The following CNTN5 variants were observed in gnomAD, a reference collection of about 807,000 sequenced individuals.
The protein encoded by CNTN5 is contactin 5, also known as contactin-5.
In CNTN5, 77 loss-of-function variants were observed where a neutral mutation model predicts 129.1. That is an observed-to-expected ratio of 0.60 (90% CI 0.50 to 0.72). CNTN5 has a LOEUF of 0.72. Among genes scored for constraint, CNTN5 ranks in the 30% least tolerant of loss-of-function variants. CNTN5 has a pLI of 0.00. For synonymous variants in CNTN5, 509 were observed against 465.6 expected, an observed-to-expected ratio of 1.09 and a Z score of -1.20; for missense variants, 1,478 against 1,328.8, an observed-to-expected ratio of 1.11 and a Z score of -1.75.
chr11:99,636,178 A>C (rs1430640706), intron 3 of CNTN5, among the ~76,000 whole-genome samples: 4 of 152,122 alleles, frequency 2.6e-5, no homozygotes, highest in Non-Finnish European at 5.9e-5. Flanking sequence ...ATCTAAGAAC[A>C]AAAAAGAATG....
At chr11:100,101,469 C>T (rs776453398) in intron 13 of CNTN5, among the ~76,000 whole-genome samples, 36 of 152,160 alleles carry the variant, frequency 2.4e-4, no homozygotes, top group Non-Finnish European at 3.4e-4. Context: ...GAGAATTTCT[C>T]ATAAGCATCG....
intron 1 of CNTN5, among the ~76,000 whole-genome samples, chr11:99,232,392 T>C (rs1050466387): frequency 6.6e-6 from 1 of 152,200 alleles, no homozygotes; most frequent in African/African-American, 2.4e-5. Flanking sequence ...TATTAGTAGG[T>C]ATTTTATTCT....
chr11:99,968,802 G>A (rs1951169722), intron 8 of CNTN5, among the ~76,000 whole-genome samples: 1 of 151,030 alleles, frequency 6.6e-6, no homozygotes, highest in Admixed American at 6.6e-5. Flanking sequence ...GTTCTAAGGG[G>A]ACTGGGAAAG....
Position 99,556,193 on chromosome 11 carries a change from C to A in CNTN5, c.-22C>A. 6.8e-7 allele frequency: 1 copy of A among 1,465,840 alleles called. No homozygotes were observed. The highest frequency in any genetic ancestry group is 1.4e-5 in the South Asian group (1 of 73,748). The allele number at this position is 1,465,840 out of a possible 1,614,324, so 90.8% of individuals were successfully genotyped here. On this transcript the variant is annotated 5_prime_UTR_variant, in exon 3 of 25. Coordinates refer to ENST00000524871, the MANE Select transcript of CNTN5 (RefSeq NM_014361.4). ...CAGAGCTGTTAAACACATTGAGACA[C>A]AGAAGATTCTAGTGACTGAGGATGG...
At chr11:99,566,041 T>C (rs777877423) in intron 3 of CNTN5, among the ~76,000 whole-genome samples, 9 of 152,222 alleles carry the variant, frequency 5.9e-5, no homozygotes, top group Admixed American at 1.3e-4. Flanking sequence ...TGAAAGAGTT[T>C]GGATGTTTGT....
chr11:100,125,149 T>A (rs1287081791), intron 13 of CNTN5, among the ~76,000 whole-genome samples: 1 of 152,078 alleles, frequency 6.6e-6, no homozygotes, highest in African/African-American at 2.4e-5. Context: ...TCCATTCATC[T>A]AGTTTATACA....
At chr11:99,951,590 T>G (rs1375956759) in intron 7 of CNTN5, among the ~76,000 whole-genome samples, 2 of 152,198 alleles carry the variant, frequency 1.3e-5, no homozygotes. Flanking sequence ...ACCTAAAATT[T>G]AATATCCCTT....
At chr11:99,611,379 T>A (rs1229864232) in intron 3 of CNTN5, among the ~76,000 whole-genome samples, 1 of 152,148 alleles carries the variant, frequency 6.6e-6, no homozygotes, top group Non-Finnish European at 1.5e-5. Flanking sequence ...GTAAAATATA[T>A]ACAGCTGTAA....
At chr11:99,270,598 A>G (rs1025421152) in intron 1 of CNTN5, among the ~76,000 whole-genome samples, 4 of 151,900 alleles carry the variant, frequency 2.6e-5, no homozygotes, top group African/African-American at 9.7e-5. Context: ...TACCAGCTCT[A>G]CTAAGGTTCA....
In CNTN5 at chr11:99,126,665, G is replaced by T. The variant is rs973836113; in HGVS notation, c.-210+105395G>T. The stretch of plus-strand genomic sequence containing the variant: ...CTACTACATATCAAGGCAAACTGTA[G>T]CACCCAGGATGCATAAGCAATGAAA... On this transcript the variant is annotated intron_variant, in intron 1 of 24. Transcript: ENST00000524871. Among the ~76,000 whole-genome samples the T allele has an allele frequency of 2.0e-5, 3 of 152,176 alleles. No homozygotes were observed. The East Asian group carries it at 5.8e-4, about 29-fold the overall frequency.
intron 13 of CNTN5, among the ~76,000 whole-genome samples, chr11:100,163,305 A>ATATT (rs1362827627): frequency 6.6e-6 from 1 of 151,736 alleles, no homozygotes; most frequent in East Asian, 1.9e-4. Flanking sequence ...TATTATATAC[A>ATATT]TATTTAAACT....
chr11:99,510,609 A>G (rs1203777538), intron 2 of CNTN5, among the ~76,000 whole-genome samples: 1 of 152,186 alleles, frequency 6.6e-6, no homozygotes, highest in African/African-American at 2.4e-5. Context: ...AATGGACTGC[A>G]TATATGAGGG....
chr11:100,250,267 G>T (rs182936638), intron 16 of CNTN5, among the ~76,000 whole-genome samples: 1 of 151,732 alleles, frequency 6.6e-6, no homozygotes, highest in Admixed American at 6.6e-5. Context: ...AACTTAAATC[G>T]CATCTCCGTC....
intron 4 of CNTN5, among the ~76,000 whole-genome samples, chr11:99,824,019 A>C (rs1271295502): frequency 6.6e-6 from 1 of 152,012 alleles, no homozygotes; most frequent in Admixed American, 6.6e-5. Flanking sequence ...CATTTCCTGT[A>C]AAGCATACCA....
In CNTN5 at chr11:99,745,979, A is replaced by G. The variant is rs527832147; in HGVS notation, c.56-73565A>G. ...ATTGGTGGAGGTGACAAATATGTTCAGGGAAGTATTACCAAAAAAGTAACA... is the reference window on the plus strand; with the variant it reads ...ATTGGTGGAGGTGACAAATATGTTCGGGGAAGTATTACCAAAAAAGTAACA... On this transcript the variant is annotated intron_variant, in intron 3 of 24. Coordinates refer to ENST00000524871, the MANE Select transcript of CNTN5 (RefSeq NM_014361.4). Among the ~76,000 whole-genome samples the G allele has an allele frequency of 2.1e-4, 32 of 152,354 alleles. 1 individual carries two copies. The South Asian group carries it at 5.6e-3, about 27-fold the overall frequency.
chr11:100,155,484 G>A (rs1371730880), intron 13 of CNTN5, among the ~76,000 whole-genome samples: 1 of 152,128 alleles, frequency 6.6e-6, no homozygotes, highest in African/African-American at 2.4e-5. Context: ...TTTTTGCTTA[G>A]GATTGTCTTG....
chr11:99,356,446 T>C (rs1565516728), intron 2 of CNTN5, among the ~76,000 whole-genome samples: 1 of 152,236 alleles, frequency 6.6e-6, no homozygotes, highest in Non-Finnish European at 1.5e-5. Flanking sequence ...ACAGGATTGC[T>C]CAGTCAATCT....
intron 3 of CNTN5, among the ~76,000 whole-genome samples, chr11:99,772,716 A>C (rs1944987622): frequency 6.6e-6 from 1 of 152,108 alleles, no homozygotes; most frequent in Non-Finnish European, 1.5e-5. Context: ...TTACCTCTGA[A>C]GTTGAACAGG....
At chr11:99,756,424 T>C (rs769476184) in intron 3 of CNTN5, among the ~76,000 whole-genome samples, 43 of 152,230 alleles carry the variant, frequency 2.8e-4, no homozygotes, top group Middle Eastern at 3.4e-3. Flanking sequence ...TTTTCTGTTA[T>C]TTTCCTGCCA....
Sources: allele counts gnomAD v4.1 joint callset (sites outside exome capture counted in the v4.1 genomes callset), GRCh38; gene constraint gnomAD v4.1.1; transcripts MANE v1.5; gene names NCBI Gene and HGNC (gene_info 2026-07-23, HGNC 2026-07-21).